Variants in SNAP91 observed in about 807,000 individuals in gnomAD.
SNAP91 encodes synaptosome associated protein 91, also known as clathrin coat assembly protein AP180.
A neutral mutation model predicts 100.3 loss-of-function variants in SNAP91; 27 were observed. That is an observed-to-expected ratio of 0.27 (90% CI 0.20 to 0.37). The LOEUF is 0.37. Among genes scored for constraint, SNAP91 ranks in the 10% least tolerant of loss-of-function variants. The probability of loss-of-function intolerance (pLI) is 1.00; values close to 1 mark genes in which losing one functional copy is unlikely to be tolerated. For missense variants in SNAP91, 986 were observed against 1,123.7 expected, an observed-to-expected ratio of 0.88 and a Z score of 1.75; for synonymous variants, 404 against 398.6, an observed-to-expected ratio of 1.01 and a Z score of -0.16.
At chr6:83,651,592 T>C (rs941686891) in intron 7 of SNAP91, among the ~76,000 whole-genome samples, 3 of 152,178 alleles carry the variant, frequency 2.0e-5, no homozygotes, top group African/African-American at 7.2e-5. Context: ...TCCATTGTGG[T>C]CTGAGAGCAG....
intron 26 of SNAP91, among the ~76,000 whole-genome samples, chr6:83,570,561 G>T (rs562568393): frequency 1.7e-4 from 23 of 137,946 alleles, no homozygotes; most frequent in Non-Finnish European, 7.7e-5. Context: ...GGTGGCGGGG[G>T]GGGAAGTGGT....
rs143704878 is a variant in SNAP91 at position 83,644,594 on chromosome 6, G to A, written c.659-3392C>T. 1.9e-3 allele frequency among the ~76,000 whole-genome samples: 292 copies of A among 152,226 alleles called. 1 individual carries two copies. The highest frequency in any genetic ancestry group is 6.0e-3 in the African/African-American group (251 of 41,532). On this transcript the variant is annotated intron_variant, in intron 7 of 29. Coordinates refer to ENST00000369694, the MANE Select transcript of SNAP91 (RefSeq NM_001242792.2). Reference sequence around the variant, plus strand: ...GTGATAAATTACCCTTGTCATACTAGTATTAACTTTTGAAGGATAATTGTC... The same window carrying A: ...GTGATAAATTACCCTTGTCATACTAATATTAACTTTTGAAGGATAATTGTC...
intron 19 of SNAP91, 25 bp downstream of exon 19, chr6:83,593,157 A>G (rs1400477927): frequency 2.6e-6 from 4 of 1,564,738 alleles, no homozygotes; most frequent in Non-Finnish European, 3.5e-6. Context: ...ACTAAAGTGA[A>G]AAAAAAGGGT....
intron 5 of SNAP91, among the ~76,000 whole-genome samples, chr6:83,661,190 C>T (rs2128739366): frequency 6.6e-6 from 1 of 152,196 alleles, no homozygotes; most frequent in Admixed American, 6.5e-5. Flanking sequence ...AAGGTATATA[C>T]ATGTTTAAAA....
At chr6:83,601,761 TATC>T (rs2095254498) in intron 14 of SNAP91, among the ~76,000 whole-genome samples, 162 bp from the exon 15 acceptor site, 1 of 152,202 alleles carries the variant, frequency 6.6e-6, no homozygotes, top group African/African-American at 2.4e-5. Flanking sequence ...TACTACCTAT[TATC>T]ATGGAACTTT....
At chr6:83,640,907 G>A (rs2097670717) in intron 8 of SNAP91, among the ~76,000 whole-genome samples, 189 bp downstream of exon 8, 1 of 152,136 alleles carries the variant, frequency 6.6e-6, no homozygotes, top group Admixed American at 6.5e-5. Flanking sequence ...GGAGTACAGA[G>A]TACAGCTCTG....
chr6:83,580,631 T>C (rs1255934194), intron 23 of SNAP91, 32 bp from the exon 24 acceptor site: 7 of 1,547,340 alleles, frequency 4.5e-6, no homozygotes, highest in Admixed American at 2.1e-5. Flanking sequence ...TTCAGAATAA[T>C]TGAAAACAAA....
chr6:83,590,775 A>G (rs1451401366), intron 22 of SNAP91, among the ~76,000 whole-genome samples: 1 of 152,194 alleles, frequency 6.6e-6, no homozygotes, highest in Non-Finnish European at 1.5e-5. Flanking sequence ...ATTTAAAGGA[A>G]ACATGTTGGC....
intron 2 of SNAP91, among the ~76,000 whole-genome samples, chr6:83,706,003 C>T (rs1187286527): frequency 1.3e-5 from 2 of 152,142 alleles, no homozygotes; most frequent in East Asian, 3.8e-4. Context: ...GGAATCTTCC[C>T]CCTATTTTCC....
chr6:83,662,239 C>A (rs1460907693), intron 4 of SNAP91, 108 bp downstream of exon 4: 1 of 376,986 alleles, frequency 2.7e-6, no homozygotes, highest in South Asian at 1.0e-4. Context: ...ATTATTTTTA[C>A]ATTCTTAAAT....
intron 10 of SNAP91, 117 bp from the exon 11 acceptor site, chr6:83,614,979 A>T: frequency 1.4e-6 from 1 of 732,462 alleles, no homozygotes; most frequent in East Asian, 2.8e-5. Flanking sequence ...GTTTTAGCCA[A>T]TTCAGAAGAG....
chr6:83,690,521 T>A (rs747019012), intron 2 of SNAP91: 16 of 757,808 alleles, frequency 2.1e-5, no homozygotes, highest in Non-Finnish European at 2.9e-5. Flanking sequence ...GAACAAGCGT[T>A]TTGTTTGGTT....
At chr6:83,601,184 A>T in intron 16 of SNAP91, 87 bp downstream of exon 16, 2 of 1,226,290 alleles carry the variant, frequency 1.6e-6, no homozygotes, top group Non-Finnish European at 2.3e-6. Flanking sequence ...ACATGCTGTT[A>T]CATAACGGAA....
chr6:83,573,365 G>A (rs1319233182), intron 26 of SNAP91, among the ~76,000 whole-genome samples: 2 of 152,120 alleles, frequency 1.3e-5, no homozygotes, highest in East Asian at 3.9e-4. Context: ...TCGTGAAAAT[G>A]GTCATACTGC....
At chr6:83,632,794 T>C (rs2097262797) in intron 8 of SNAP91, among the ~76,000 whole-genome samples, 1 of 152,218 alleles carries the variant, frequency 6.6e-6, no homozygotes, top group African/African-American at 2.4e-5. Flanking sequence ...ACTTCTTGTA[T>C]CATTTTTTGG....
chr6:83,622,242 C>G (rs957228029), intron 9 of SNAP91, among the ~76,000 whole-genome samples: 11 of 152,088 alleles, frequency 7.2e-5, no homozygotes, highest in African/African-American at 2.6e-4. Flanking sequence ...TTCTGGATTG[C>G]TCTGTGAATT....
chr6:83,672,079 C>T (rs1048686748), intron 2 of SNAP91, among the ~76,000 whole-genome samples: 9 of 152,122 alleles, frequency 5.9e-5, no homozygotes, highest in Middle Eastern at 3.4e-3. Context: ...TTTGAGTATA[C>T]GGCCTCTCAT....
chr6:83,671,024 CTTATCAACT>C (rs903554708), intron 2 of SNAP91, among the ~76,000 whole-genome samples: 2 of 151,842 alleles, frequency 1.3e-5, no homozygotes, highest in Non-Finnish European at 2.9e-5. Flanking sequence ...TTAGACTGAG[CTTATCAACT>C]TTAACAGCAA....
At chr6:83,669,285 T>C (rs1265043403) in intron 2 of SNAP91, among the ~76,000 whole-genome samples, 2 of 151,716 alleles carry the variant, frequency 1.3e-5, no homozygotes, top group Non-Finnish European at 2.9e-5. Flanking sequence ...TTTCTACTTC[T>C]CTACTCTCTC....
Sources: gnomAD v4.1 joint callset for allele counts (sites outside exome capture counted in the v4.1 genomes callset) on GRCh38, gnomAD v4.1.1 for gene constraint, MANE v1.5 for transcripts, NCBI Gene and HGNC (gene_info 2026-07-23, HGNC 2026-07-21) for gene names.